Variants in OXCT1 observed in about 807,000 individuals in gnomAD.
The protein encoded by OXCT1 is succinyl-CoA:3-ketoacid coenzyme A transferase 1, mitochondrial.
In OXCT1, 27 loss-of-function variants were observed where a neutral mutation model predicts 69.6. The ratio of observed to expected loss-of-function variants is 0.39; its 90% CI spans 0.29 to 0.54. The LOEUF (loss-of-function observed/expected upper bound fraction) is 0.54. Among genes scored for constraint, OXCT1 ranks in the 20% least tolerant of loss-of-function variants. OXCT1 has a pLI of 0.72. For synonymous variants in OXCT1, 202 were observed against 217.8 expected (o/e 0.93, Z 0.64); for missense variants, 437 against 650.2 (o/e 0.67, Z 3.57).
intron 14 of OXCT1, among the ~76,000 whole-genome samples, chr5:41,760,606 C>T (rs1465836999): frequency 1.1e-4 from 16 of 152,078 alleles, no homozygotes; most frequent in Non-Finnish European, 2.1e-4. Flanking sequence ...AACTTCAGTG[C>T]CTTCGTGTGT....
chr5:41,846,386 G>GT (rs971455150), intron 5 of OXCT1, among the ~76,000 whole-genome samples: 3 of 145,732 alleles, frequency 2.1e-5, no homozygotes, highest in Non-Finnish European at 4.5e-5. Context: ...GCAGTGTTTG[G>GT]TTTTTTGTTC....
intron 13 of OXCT1, among the ~76,000 whole-genome samples, chr5:41,778,209 T>A (rs1192799032): frequency 1.3e-5 from 2 of 152,206 alleles, no homozygotes; most frequent in Admixed American, 1.3e-4. Context: ...TGTAAAAAAG[T>A]TACAGATGGA....
chr5:41,831,752 T>C (rs541036719), intron 7 of OXCT1, among the ~76,000 whole-genome samples: 1 of 152,300 alleles, frequency 6.6e-6, no homozygotes, highest in Non-Finnish European at 1.5e-5. Context: ...TCATTGGAGC[T>C]AAGGTGTTGG....
At chr5:41,794,412 CAGAA>C in intron 12 of OXCT1, 1 of 595,856 alleles carries the variant, frequency 1.7e-6, no homozygotes, top group Non-Finnish European at 3.0e-6. Context: ...TTAGAATCCT[CAGAA>C]AGCACCTTAG....
intron 7 of OXCT1, among the ~76,000 whole-genome samples, chr5:41,815,910 A>G (rs1035515196): frequency 6.6e-6 from 1 of 152,198 alleles, no homozygotes; most frequent in Non-Finnish European, 1.5e-5. Flanking sequence ...TTACTCTAAG[A>G]CTATTTCCAA....
chr5:41,784,675 G>A (rs1472394595), intron 13 of OXCT1, among the ~76,000 whole-genome samples: 2 of 152,186 alleles, frequency 1.3e-5, no homozygotes, highest in Non-Finnish European at 2.9e-5. Context: ...CCCTTGGCCT[G>A]AATCTCTTCA....
intron 13 of OXCT1, among the ~76,000 whole-genome samples, chr5:41,768,338 T>C (rs915583943): frequency 1.6e-4 from 24 of 152,146 alleles, no homozygotes; most frequent in Non-Finnish European, 2.4e-4. Context: ...GGTGGAGCTG[T>C]AGGATGGAAG....
At chr5:41,829,416 T>G (rs1471478150) in intron 7 of OXCT1, among the ~76,000 whole-genome samples, 2 of 152,128 alleles carry the variant, frequency 1.3e-5, no homozygotes, top group Non-Finnish European at 2.9e-5. Flanking sequence ...TTTTAGGATC[T>G]CTATATAAAC....
intron 7 of OXCT1, among the ~76,000 whole-genome samples, 158 bp downstream of exon 7, chr5:41,840,293 A>G (rs753309796): frequency 2.0e-5 from 3 of 151,676 alleles, no homozygotes; most frequent in Non-Finnish European, 4.4e-5. Flanking sequence ...CAAAATTTTA[A>G]CTATTATATA....
chr5:41,785,936 G>A (rs2112198469), intron 13 of OXCT1, among the ~76,000 whole-genome samples: 1 of 152,282 alleles, frequency 6.6e-6, no homozygotes, highest in East Asian at 1.9e-4. Flanking sequence ...AGTGCTGCCT[G>A]ACTCTTACCT....
chr5:41,736,838 C>T (rs540246457), intron 16 of OXCT1, among the ~76,000 whole-genome samples: 1 of 152,160 alleles, frequency 6.6e-6, no homozygotes, highest in Non-Finnish European at 1.5e-5. Flanking sequence ...GGACTTTTCT[C>T]AAACAGAACT....
At chr5:41,849,059 AT>A (rs1190808798) in intron 5 of OXCT1, among the ~76,000 whole-genome samples, 1 of 152,220 alleles carries the variant, frequency 6.6e-6, no homozygotes, top group Non-Finnish European at 1.5e-5. Context: ...AATATCCAGA[AT>A]CTAAAAAACA....
chr5:41,774,852 G>A (rs1483498730), intron 13 of OXCT1, among the ~76,000 whole-genome samples: 2 of 151,996 alleles, frequency 1.3e-5, no homozygotes, highest in Non-Finnish European at 2.9e-5. Flanking sequence ...CCAAGATCAC[G>A]CCACTGCACT....
intron 6 of OXCT1, among the ~76,000 whole-genome samples, chr5:41,842,195 A>T (rs959063523): frequency 6.6e-6 from 1 of 152,216 alleles, no homozygotes; most frequent in Non-Finnish European, 1.5e-5. Context: ...AGGTTAATCA[A>T]TTTTTCAGAT....
chr5:41,840,168 AAGG>A (rs976659953), intron 7 of OXCT1, among the ~76,000 whole-genome samples: 2 of 152,224 alleles, frequency 1.3e-5, no homozygotes, highest in Admixed American at 1.3e-4. Flanking sequence ...GATTTCATTC[AAGG>A]AGATCTATTT....
chr5:41,785,481 T>G (rs762288078), intron 13 of OXCT1, among the ~76,000 whole-genome samples: 8 of 152,204 alleles, frequency 5.3e-5, no homozygotes, highest in Non-Finnish European at 1.0e-4. Context: ...AAAAGACAGT[T>G]GACTGTTTAG....
chr5:41,812,569 T>G (rs1365675615), intron 7 of OXCT1, among the ~76,000 whole-genome samples: 1 of 152,042 alleles, frequency 6.6e-6, no homozygotes, highest in African/African-American at 2.4e-5. Context: ...CAGAATGAGA[T>G]GAGGACTCCT....
chr5:41,860,759 G>A (rs1215766337), intron 3 of OXCT1, among the ~76,000 whole-genome samples: 1 of 152,038 alleles, frequency 6.6e-6, no homozygotes, highest in Non-Finnish European at 1.5e-5. Flanking sequence ...TTATTAAAAT[G>A]ATGGCTTATT....
At chr5:41,754,740 TAG>T (rs1374356727) in intron 14 of OXCT1, among the ~76,000 whole-genome samples, 1 of 152,010 alleles carries the variant, frequency 6.6e-6, no homozygotes. Flanking sequence ...AGGACTTCAG[TAG>T]AGAGACTCAG....
Sources: gnomAD v4.1 joint callset for allele counts (sites outside exome capture counted in the v4.1 genomes callset) on GRCh38, gnomAD v4.1.1 for gene constraint, MANE v1.5 for transcripts, NCBI Gene and HGNC (gene_info 2026-07-23, HGNC 2026-07-21) for gene names.